PLEKHD1: variants seen among roughly 807,000 people sequenced by gnomAD.
PLEKHD1 encodes pleckstrin homology and coiled-coil domain containing D1.
PLEKHD1 carries 51 observed loss-of-function variants against 69.2 expected under a neutral mutation model. The ratio of observed to expected loss-of-function variants is 0.74; its 90% CI spans 0.59 to 0.93. The LOEUF is 0.93. PLEKHD1 is among the 40% of genes least tolerant of loss of function. PLEKHD1 has a pLI of 0.00. For missense variants in PLEKHD1, 584 were observed against 641.0 expected (o/e 0.91, Z 0.96); for synonymous variants, 236 against 244.7 (o/e 0.96, Z 0.33).
chr14:69,483,112 T>G (rs975984436), upstream of PLEKHD1, among the ~76,000 whole-genome samples: 5 of 152,000 alleles, frequency 3.3e-5, no homozygotes, highest in Admixed American at 6.6e-5. Context: ...CCGGGCCCTG[T>G]GTTAAGGCTT....
chr14:69,490,575 G>T (rs890273134), intron 1 of PLEKHD1, among the ~76,000 whole-genome samples: 1 of 152,138 alleles, frequency 6.6e-6, no homozygotes, highest in African/African-American at 2.4e-5. Flanking sequence ...TGTTCCAGGG[G>T]GACTAAGTTT....
In PLEKHD1 at chr14:69,528,969, A is replaced by T. The variant is rs983699325; in HGVS notation, c.*550A>T. On this transcript the variant is annotated 3_prime_UTR_variant, in exon 13 of 13. Transcript: ENST00000322564. ...CCCTCAGCTGAGACCCCTCATTTAC[A>T]CCACATCATGCTGTGCAGGAGGAAA... The T allele has an allele frequency of 1.9e-5, 3 of 154,442 alleles. No homozygotes were observed. Among genetic ancestry groups the T allele is most frequent in the African/African-American group, 7.2e-5 (3 of 41,408 alleles). 9.6% of individuals were successfully genotyped at this position (154,442 alleles called of 1,614,324 possible).
the PLEKHD1 span, among the ~76,000 whole-genome samples, chr14:69,474,448 C>T: frequency 1.3e-5 from 2 of 152,204 alleles, no homozygotes; most frequent in Admixed American, 6.5e-5. Context: ...AGTTTTGCCT[C>T]CTTTACCAAA....
Position 69,525,486 on chromosome 14 carries a change from GT to G in PLEKHD1, c.745-457del, listed in dbSNP as rs1325351675. Among the ~76,000 whole-genome samples the G allele has an allele frequency of 2.6e-5, 4 of 152,082 alleles. 1 individual carries two copies. The highest frequency in any genetic ancestry group is 1.3e-4 in the Admixed American group (2 of 15,252). On this transcript the variant is annotated intron_variant, in intron 8 of 12. Transcript: ENST00000322564. Reference sequence around the variant, plus strand: ...AGGACATCTTTTTTTTGGAGGTGGGGTGGGGGGTGGTTTGGGGACAGGTTCT... The same window carrying G: ...AGGACATCTTTTTTTTGGAGGTGGGGGGGGGGTGGTTTGGGGACAGGTTCT...
intron 6 of PLEKHD1, among the ~76,000 whole-genome samples, chr14:69,514,997 A>C (rs564748655): frequency 1.1e-4 from 17 of 152,286 alleles, no homozygotes; most frequent in African/African-American, 4.1e-4. Flanking sequence ...CAGGAGTTCA[A>C]GACCAGCCTG....
At chr14:69,491,951 T>TAA (rs1233007563) in intron 1 of PLEKHD1, among the ~76,000 whole-genome samples, 1 of 152,168 alleles carries the variant, frequency 6.6e-6, no homozygotes, top group African/African-American at 2.4e-5. Flanking sequence ...CCAATAAATT[T>TAA]AATTTTCCCT....
At chr14:69,484,182 C>T (rs557787374), upstream of PLEKHD1, among the ~76,000 whole-genome samples, 2 of 152,332 alleles carry the variant, frequency 1.3e-5, no homozygotes, top group African/African-American at 4.8e-5. Flanking sequence ...CCCATGCGGG[C>T]ACTTTGGGCA....
chr14:69,515,470 C>T (rs1883364437), intron 6 of PLEKHD1, among the ~76,000 whole-genome samples: 1 of 152,086 alleles, frequency 6.6e-6, no homozygotes, highest in Non-Finnish European at 1.5e-5. Flanking sequence ...TAATGTGACT[C>T]TCTGTATCTG....
intron 7 of PLEKHD1, 94 bp downstream of exon 7, chr14:69,522,471 G>C: frequency 7.7e-7 from 1 of 1,293,548 alleles, no homozygotes; most frequent in Non-Finnish European, 1.1e-6. Flanking sequence ...CCACCTCAGA[G>C]ATGCTATCTT....
At chr14:69,503,202 A>C in intron 6 of PLEKHD1, 1 of 375,242 alleles carries the variant, frequency 2.7e-6, no homozygotes. Flanking sequence ...GGGAGCTATA[A>C]TGCCCTCTGT....
upstream of PLEKHD1, chr14:69,484,658 CG>C (rs999625085): frequency 2.1e-4 from 56 of 269,450 alleles, no homozygotes; most frequent in Middle Eastern, 1.0e-3. Context: ...GGGCTGTCGC[CG>C]GGGGGGTGGG....
At chr14:69,489,274 T>A (rs1265544846) in intron 1 of PLEKHD1, among the ~76,000 whole-genome samples, 1 of 151,962 alleles carries the variant, frequency 6.6e-6, no homozygotes, top group African/African-American at 2.4e-5. Context: ...TGGTAGAAAG[T>A]GAATCTAAGG....
Position 69,498,057 on chromosome 14 carries a change from A to T in PLEKHD1, c.150-2058A>T, listed in dbSNP as rs865790106. Among the ~76,000 whole-genome samples, 1,091 of 124,666 alleles carry T rather than the reference A, an allele frequency of 8.8e-3. 26 individuals are homozygous for T. Among genetic ancestry groups the T allele is most frequent in the African/African-American group, 0.034 (1,042 of 31,008 alleles). The allele number at this position is 124,666 out of a possible 152,430, so 81.8% of individuals were successfully genotyped here. On this transcript the variant is annotated intron_variant, in intron 1 of 12. Coordinates refer to ENST00000322564, the MANE Select transcript of PLEKHD1 (RefSeq NM_001161498.2). ...GTTTTATTTTATTTTATTTTATTTT[A>T]TTTATTTTATTTTATTTTATTTTAT...
At chr14:69,476,309 C>T in the PLEKHD1 span, among the ~76,000 whole-genome samples, 1 of 150,412 alleles carries the variant, frequency 6.6e-6, no homozygotes, top group Non-Finnish European at 1.5e-5. Context: ...ATGGATCATG[C>T]CTGTAATCCC....
At chr14:69,491,269 T>C (rs1022986315) in intron 1 of PLEKHD1, among the ~76,000 whole-genome samples, 3 of 152,164 alleles carry the variant, frequency 2.0e-5, no homozygotes, top group Non-Finnish European at 4.4e-5. Flanking sequence ...TAGCAGCCTA[T>C]CCTGAAGGGA....
intron 8 of PLEKHD1, 120 bp from the exon 9 acceptor site, chr14:69,525,824 A>T: frequency 1.1e-6 from 1 of 923,218 alleles, no homozygotes; most frequent in Non-Finnish European, 1.6e-6. Context: ...AAGACATTTC[A>T]GCGGCCATAG....
At chr14:69,471,919 T>A in the PLEKHD1 span, among the ~76,000 whole-genome samples, 4 of 152,234 alleles carry the variant, frequency 2.6e-5, no homozygotes, top group Non-Finnish European at 5.9e-5. Flanking sequence ...AGATAAACTC[T>A]TAGGCTTCCA....
In PLEKHD1 at chr14:69,528,435, T is replaced by G; in HGVS notation, c.*16T>G. On this transcript the variant is annotated 3_prime_UTR_variant, in exon 13 of 13. Coordinates refer to ENST00000322564, the MANE Select transcript of PLEKHD1 (RefSeq NM_001161498.2). ...TGGAAAGTGATGGGCGCTCCTCCCC[T>G]GCTTCCCAAGTCTCCCCTGGATGGG... The G allele has an allele frequency of 6.5e-7, 1 of 1,548,406 alleles. No homozygotes were observed. Among genetic ancestry groups the G allele is most frequent in the Middle Eastern group, 2.1e-4 (1 of 4,708 alleles).
At chr14:69,508,370 C>T (rs1428853603) in intron 6 of PLEKHD1, among the ~76,000 whole-genome samples, 2 of 150,828 alleles carry the variant, frequency 1.3e-5, no homozygotes, top group African/African-American at 4.9e-5. Flanking sequence ...TGTGCCACAG[C>T]ACTACAGCCT....
Sources: allele counts gnomAD v4.1 joint callset (sites outside exome capture counted in the v4.1 genomes callset), GRCh38; gene constraint gnomAD v4.1.1; transcripts MANE v1.5; gene names NCBI Gene and HGNC (gene_info 2026-07-23, HGNC 2026-07-21).